The following SPATC1L variants were observed in gnomAD, a reference collection of about 807,000 sequenced individuals.
SPATC1L encodes the protein spermatogenesis and centriole associated 1 like, also known as speriolin-like protein.
SPATC1L carries 20 observed loss-of-function variants against 21.2 expected under a neutral mutation model. That is an observed-to-expected ratio of 0.94 (90% CI 0.66 to 1.37). The LOEUF (loss-of-function observed/expected upper bound fraction) is 1.37. SPATC1L is among the 40% of genes most tolerant of loss of function. The pLI, the probability that SPATC1L is intolerant of heterozygous loss-of-function variation, is 0.00. For synonymous variants in SPATC1L, 290 were observed against 234.5 expected, an observed-to-expected ratio of 1.24 and a Z score of -2.16; for missense variants, 499 against 478.7, an observed-to-expected ratio of 1.04 and a Z score of -0.40.
chr21:46,161,616 C>T lies in SPATC1L; in HGVS notation c.786G>A (p.Glu262=), dbSNP rs1390279971. 2 of 1,610,534 alleles carry T rather than the reference C, an allele frequency of 1.2e-6. No individual in the cohort carries two copies. The highest frequency in any genetic ancestry group is 2.2e-5 in the East Asian group (1 of 44,798). ...QRYLALSARL[E]KLGYSRDVHP... ...GCACGTCGCGGCTGTAGCCCAGCTT[C>T]TCCAGGCGCGCGCTCAGGGCCAGGT... Residue 262 remains glutamate (E), a synonymous_variant, in exon 5 of 5, where the codon GAG becomes GAA. Coordinates refer to ENST00000291672, the MANE Select transcript of SPATC1L (RefSeq NM_001142854.2).
intron 2 of SPATC1L, among the ~76,000 whole-genome samples, chr21:46,178,248 A>C (rs913228466): frequency 2.6e-5 from 4 of 151,634 alleles, no homozygotes; most frequent in African/African-American, 4.8e-5. Context: ...AAAAAAAAAA[A>C]AAAAAAAACC....
chr21:46,179,298 C>T (rs920284215), intron 2 of SPATC1L, among the ~76,000 whole-genome samples: 4 of 151,998 alleles, frequency 2.6e-5, no homozygotes, highest in African/African-American at 9.7e-5. Flanking sequence ...GTAATCCCAG[C>T]ATTTTAGGAG....
chr21:46,182,564 G>C, intron 2 of SPATC1L, 60 bp downstream of exon 2: 1 of 1,399,042 alleles, frequency 7.1e-7, no homozygotes, highest in Non-Finnish European at 9.3e-7. Flanking sequence ...CGACTCCCGG[G>C]GAGCAGGCGT....
chr21:46,169,294 C>A (rs1035932250), intron 2 of SPATC1L, among the ~76,000 whole-genome samples: 1 of 148,992 alleles, frequency 6.7e-6, no homozygotes, highest in Admixed American at 6.7e-5. Context: ...GCTCTGTGAA[C>A]ATCCTCTGTG....
At chr21:46,173,499 C>G (rs1226777218) in intron 2 of SPATC1L, among the ~76,000 whole-genome samples, 1 of 151,870 alleles carries the variant, frequency 6.6e-6, no homozygotes, top group African/African-American at 2.4e-5. Context: ...TCCAGTGGGC[C>G]TCCCCTTTCC....
chr21:46,165,789 G>A (rs539134217), intron 3 of SPATC1L, among the ~76,000 whole-genome samples: 1 of 152,248 alleles, frequency 6.6e-6, no homozygotes, highest in East Asian at 1.9e-4. Flanking sequence ...GTGTTCCTCT[G>A]GGTTGATCCT....
chr21:46,162,995 G>C (rs77283605), intron 3 of SPATC1L, among the ~76,000 whole-genome samples: 1 of 152,308 alleles, frequency 6.6e-6, no homozygotes, highest in Admixed American at 6.5e-5. Flanking sequence ...GATGGCATCC[G>C]AGTCCGTAAC....
At chr21:46,171,009 A>T (rs943990949) in intron 2 of SPATC1L, among the ~76,000 whole-genome samples, 5 of 151,650 alleles carry the variant, frequency 3.3e-5, no homozygotes, top group African/African-American at 1.2e-4. Flanking sequence ...CTCTGTGAAC[A>T]TCCTTTGTGG....
Position 46,168,631 on chromosome 21 carries a change from A to T in SPATC1L, c.221T>A (p.Val74Asp). 7.2e-7 allele frequency: 1 copy of T among 1,385,450 alleles called. No homozygotes were observed. The highest frequency in any genetic ancestry group is 9.5e-7 in the Non-Finnish European group (1 of 1,057,570). 85.8% of individuals were successfully genotyped at this position (1,385,450 alleles called of 1,614,324 possible). ...GVPDFGRFTS[V>D]ADTPSQLQTS... ...CTGCAGTTGGGAGGGCGTGTCGGCA[A>T]CACTCGTGAACCTTCCGAAATCTGG... The change falls in exon 3 of 5, where the codon GTT (valine) becomes GAT (aspartate). Residue 74 changes from valine (V) to aspartate (D), a missense_variant. Physicochemically the swap from Val to Asp is radical, Grantham distance 152 (BLOSUM62 -3). Coordinates refer to ENST00000291672, the MANE Select transcript of SPATC1L (RefSeq NM_001142854.2).
Position 46,161,688 on chromosome 21 carries a change from CAG to C in SPATC1L, c.712_713del (p.Leu238GlyfsTer?), listed in dbSNP as rs748391020. On this transcript the variant is annotated frameshift_variant, in exon 5 of 5. Transcript: ENST00000291672. LOFTEE classifies it low-confidence loss of function (END_TRUNC). Reference protein sequence around the residue: ...EKIEQTSTKSLDGSVDERKLR... With the variant: ...EKIEQTSTKSXDGSVDERKLR... ...GCTTCCTCTCGTCCACGGAGCCGTC[CAG>C]AGACTTGGTGGAGGTCTGCGGGCGC... is the stretch of plus-strand genomic sequence containing the variant. 6.2e-7 allele frequency: 1 copy of C among 1,601,332 alleles called. No homozygotes were observed. The highest frequency in any genetic ancestry group is 1.1e-5 in the South Asian group (1 of 90,086).
intron 2 of SPATC1L, among the ~76,000 whole-genome samples, chr21:46,182,410 C>G (rs1231873049): frequency 2.6e-5 from 4 of 152,238 alleles, no homozygotes. Flanking sequence ...GTTGACCACT[C>G]CCACTTCGCC....
intron 2 of SPATC1L, among the ~76,000 whole-genome samples, chr21:46,175,180 T>C (rs2079623550): frequency 6.6e-6 from 1 of 152,200 alleles, no homozygotes; most frequent in African/African-American, 2.4e-5. Flanking sequence ...GGGAAATTTA[T>C]AGCATTAAAT....
At chr21:46,165,203 C>T (rs925811278) in intron 3 of SPATC1L, among the ~76,000 whole-genome samples, 2 of 152,194 alleles carry the variant, frequency 1.3e-5, no homozygotes, top group African/African-American at 4.8e-5. Context: ...AATAGATACT[C>T]TGAATAGCCT....
intron 2 of SPATC1L, among the ~76,000 whole-genome samples, chr21:46,176,158 TAGTA>T (rs1316458354): frequency 6.6e-6 from 1 of 152,100 alleles, no homozygotes; most frequent in Admixed American, 6.5e-5. Flanking sequence ...TACCTCAAAA[TAGTA>T]AGAGCTATGT....
At chr21:46,166,989 C>T (rs2079545556) in intron 3 of SPATC1L, among the ~76,000 whole-genome samples, 1 of 152,190 alleles carries the variant, frequency 6.6e-6, no homozygotes, top group Admixed American at 6.5e-5. Context: ...CTCATTAGCA[C>T]ATGGATCATT....
chr21:46,166,790 T>C (rs972990290), intron 3 of SPATC1L, among the ~76,000 whole-genome samples: 4 of 152,206 alleles, frequency 2.6e-5, no homozygotes, highest in African/African-American at 9.6e-5. Flanking sequence ...CAAATATTAC[T>C]AGAGCTAAAT....
intron 3 of SPATC1L, 100 bp downstream of exon 3, chr21:46,168,208 G>T: frequency 2.7e-6 from 2 of 739,084 alleles, no homozygotes; most frequent in Non-Finnish European, 4.3e-6. Flanking sequence ...CTGTGTGACT[G>T]GATGGAGAAA....
Position 46,161,224 on chromosome 21 carries a change from G to C in SPATC1L, c.*155C>G, listed in dbSNP as rs897127587. 4.9e-6 allele frequency: 3 copies of C among 608,908 alleles called. No individual in the cohort carries two copies. The highest frequency in any genetic ancestry group is 3.5e-5 in the East Asian group (1 of 28,778). The allele number at this position is 608,908 out of a possible 1,614,324, so 37.7% of individuals were successfully genotyped here. ...GCAGGTGCGGGCAGCGGCGGGCTGC[G>C]GTCGGGGCCCAGCACCGGTGGGAGC... is the stretch of plus-strand genomic sequence containing the variant. On this transcript the variant is annotated 3_prime_UTR_variant, in exon 5 of 5. Coordinates refer to ENST00000291672, the MANE Select transcript of SPATC1L (RefSeq NM_001142854.2).
chr21:46,165,843 A>G (rs2079536617), intron 3 of SPATC1L, among the ~76,000 whole-genome samples: 2 of 152,224 alleles, frequency 1.3e-5, no homozygotes. Context: ...ATTTGTCTCA[A>G]CAGCCTTAAT....
Sources: allele counts gnomAD v4.1 joint callset (sites outside exome capture counted in the v4.1 genomes callset), GRCh38; gene constraint gnomAD v4.1.1; transcripts MANE v1.5; gene names NCBI Gene and HGNC (gene_info 2026-07-23, HGNC 2026-07-21).